Variants in VPS13B observed in about 807,000 individuals in gnomAD.
VPS13B encodes vacuolar protein sorting 13 homolog B, also known as intermembrane lipid transfer protein VPS13B.
VPS13B carries 285 observed loss-of-function variants against 426.4 expected under a neutral mutation model. That is an observed-to-expected ratio of 0.67 (90% CI 0.61 to 0.74). The LOEUF is 0.74. Among genes scored for constraint, VPS13B ranks in the 30% least tolerant of loss-of-function variants. The pLI, the probability that VPS13B is intolerant of heterozygous loss-of-function variation, is 0.00. For synonymous variants in VPS13B, 1,676 were observed against 1,676.4 expected (o/e 1.00, Z 0.01); for missense variants, 4,537 against 4,782.6 (o/e 0.95, Z 1.51).
At chr8:99,623,464 TTTG>T (rs974975797) in intron 33 of VPS13B, among the ~76,000 whole-genome samples, 25 of 152,302 alleles carry the variant, frequency 1.6e-4, no homozygotes, top group East Asian at 1.2e-3. Context: ...GGAGAGTTTT[TTTG>T]TTGTTGTTGT....
intron 40 of VPS13B, among the ~76,000 whole-genome samples, chr8:99,772,575 T>C (rs958415254): frequency 3.3e-5 from 5 of 152,150 alleles, no homozygotes; most frequent in Non-Finnish European, 4.4e-5. Flanking sequence ...ATGTACTTAA[T>C]GTCACTGAAC....
chr8:99,778,265 A>G (rs80261510), intron 41 of VPS13B, among the ~76,000 whole-genome samples: 6,749 of 151,642 alleles, frequency 0.045, 162 homozygotes, highest in African/African-American at 0.057. Context: ...GTTGTTAAGC[A>G]TCTTGCCTTT....
intron 36 of VPS13B, among the ~76,000 whole-genome samples, chr8:99,712,951 C>G (rs1223495012): frequency 6.6e-6 from 1 of 151,922 alleles, no homozygotes; most frequent in East Asian, 1.9e-4. Context: ...CTTAAGTTCT[C>G]TAAGAGGTAG....
At chr8:99,264,759 C>G (rs1818219468) in intron 17 of VPS13B, among the ~76,000 whole-genome samples, 1 of 152,090 alleles carries the variant, frequency 6.6e-6, no homozygotes, top group Non-Finnish European at 1.5e-5. Flanking sequence ...ATAGTAAACA[C>G]TTTTAATTTG....
At chr8:99,255,084 A>G (rs1817681043) in intron 17 of VPS13B, among the ~76,000 whole-genome samples, 1 of 150,450 alleles carries the variant, frequency 6.6e-6, no homozygotes, top group Middle Eastern at 3.4e-3. Flanking sequence ...ACATTGGGTA[A>G]TTTCTGTTGT....
chr8:99,800,003 G>A (rs373825198), intron 43 of VPS13B, among the ~76,000 whole-genome samples: 2 of 152,108 alleles, frequency 1.3e-5, no homozygotes, highest in Middle Eastern at 3.4e-3. Context: ...CTAACATACT[G>A]TTAACTCTCC....
At chr8:99,183,895 C>T (rs969495847) in intron 16 of VPS13B, among the ~76,000 whole-genome samples, 1 of 152,134 alleles carries the variant, frequency 6.6e-6, no homozygotes, top group Non-Finnish European at 1.5e-5. Flanking sequence ...CTCTTTGTTA[C>T]AGTTAATCCT....
chr8:99,415,541 T>C (rs533857612), intron 21 of VPS13B, among the ~76,000 whole-genome samples: 3 of 152,332 alleles, frequency 2.0e-5, no homozygotes, highest in African/African-American at 7.2e-5. Context: ...TCCATAGTCT[T>C]CATGGATTTA....
chr8:99,865,826 C>A (rs550731664), intron 58 of VPS13B, among the ~76,000 whole-genome samples: 1 of 152,276 alleles, frequency 6.6e-6, no homozygotes, highest in African/African-American at 2.4e-5. Flanking sequence ...CAAAATTACA[C>A]CACATGGTAA....
chr8:99,809,331 GTTGGCACGT>G, intron 43 of VPS13B, 35 bp from the exon 44 acceptor site: 1 of 1,613,178 alleles, frequency 6.2e-7, no homozygotes. Flanking sequence ...CTAGGTTTTT[GTTGGCACGT>G]TTGGCATTAT....
intron 21 of VPS13B, among the ~76,000 whole-genome samples, chr8:99,405,214 C>T (rs753992819): frequency 1.8e-4 from 28 of 152,066 alleles, no homozygotes; most frequent in Non-Finnish European, 2.4e-4. Flanking sequence ...TCATATCCAA[C>T]TGCCTACACA....
At chr8:99,751,793 A>G (rs1361644234) in intron 39 of VPS13B, among the ~76,000 whole-genome samples, 1 of 152,196 alleles carries the variant, frequency 6.6e-6, no homozygotes, top group Non-Finnish European at 1.5e-5. Context: ...AAACATGAGA[A>G]TGCTGGATCA....
Position 99,117,449 on chromosome 8 carries a change from T to C in VPS13B, c.937+1575T>C, listed in dbSNP as rs147458183. Among the ~76,000 whole-genome samples the C allele has an allele frequency of 6.3e-3, 963 of 152,224 alleles. 8 individuals carry two copies. The highest frequency in any genetic ancestry group is 0.022 in the African/African-American group (904 of 41,536). ...CAGCAATTCCATTCCTACGTGTATA[T>C]CAAGAGAACTGATAACATATGTCCA... is the stretch of plus-strand genomic sequence containing the variant. On this transcript the variant is annotated intron_variant, in intron 7 of 61. Transcript: ENST00000357162.
At chr8:99,187,916 C>T (rs552831244) in intron 16 of VPS13B, among the ~76,000 whole-genome samples, 32 of 152,116 alleles carry the variant, frequency 2.1e-4, no homozygotes, top group African/African-American at 6.7e-4. Context: ...TGCAGTGAAC[C>T]GTGATCATGC....
At chr8:99,275,399 A>T in intron 19 of VPS13B, 145 bp downstream of exon 19, 1 of 739,442 alleles carries the variant, frequency 1.4e-6, no homozygotes. Context: ...TTCAAAATTC[A>T]AATGAAGAAT....
chr8:99,519,874 A>T (rs544770544), intron 29 of VPS13B, among the ~76,000 whole-genome samples: 180 of 152,224 alleles, frequency 1.2e-3, no homozygotes, highest in Non-Finnish European at 3.1e-4. Context: ...TGGGTGCAGC[A>T]CATCAACATG....
chr8:99,352,155 G>A (rs772457835), intron 19 of VPS13B, among the ~76,000 whole-genome samples: 12 of 152,146 alleles, frequency 7.9e-5, no homozygotes, highest in Non-Finnish European at 1.6e-4. Context: ...AAATAGAGTG[G>A]AAGCTACCGA....
At position 99,560,001 on chromosome 8, in the gene VPS13B, A is replaced by G. The variant is rs553973358; in HGVS notation, c.4949+3348A>G. ...GAATCTATAAATTACCTTGGGCAGT[A>G]TGGCCATTTTCATGATATTGATTCT... is the stretch of plus-strand genomic sequence containing the variant. On this transcript the variant is annotated intron_variant, in intron 31 of 61. Transcript: ENST00000357162. Among the ~76,000 whole-genome samples the G allele has an allele frequency of 7.5e-4, 114 of 152,222 alleles. 1 individual carries two copies. Among genetic ancestry groups the G allele is most frequent in the Admixed American group, 7.3e-3 (112 of 15,282 alleles).
chr8:99,438,761 T>G (rs1817532411), intron 22 of VPS13B, among the ~76,000 whole-genome samples: 1 of 152,176 alleles, frequency 6.6e-6, no homozygotes, highest in African/African-American at 2.4e-5. Context: ...AACTGTGATT[T>G]GGGTGATAGT....
Sources: allele counts gnomAD v4.1 joint callset (sites outside exome capture counted in the v4.1 genomes callset), GRCh38; gene constraint gnomAD v4.1.1; transcripts MANE v1.5; gene names NCBI Gene and HGNC (gene_info 2026-07-23, HGNC 2026-07-21).